Variants in UBE2B observed in about 807,000 individuals in gnomAD.
UBE2B encodes the protein ubiquitin conjugating enzyme E2 B, also known as ubiquitin-conjugating enzyme E2 B.
Under a neutral mutation model 24.6 loss-of-function variants are expected in UBE2B, and 11 were observed. The observed-to-expected ratio is 0.45, with a 90% CI of 0.28 to 0.74. UBE2B has a LOEUF of 0.74. Among genes scored for constraint, UBE2B ranks in the 30% least tolerant of loss-of-function variants. The pLI is 0.13. For synonymous variants in UBE2B, 68 were observed against 62.4 expected, an observed-to-expected ratio of 1.09 and a Z score of -0.42; for missense variants, 78 against 185.6, an observed-to-expected ratio of 0.42 and a Z score of 3.37.
At chr5:134,376,564 G>A in intron 2 of UBE2B, 105 bp from the exon 3 acceptor site, 3 of 1,233,238 alleles carry the variant, frequency 2.4e-6, no homozygotes, top group Non-Finnish European at 3.5e-6. Context: ...CAAATCATCA[G>A]AATGAGTCCC....
chr5:134,376,641 T>C lies in UBE2B; in HGVS notation c.126-28T>C, dbSNP rs754438226. ...AAGAAAAAGCAGAATGAGAAACTTC[T>C]TTTAATCAGAAATCTTCTTGTTTTC... On this transcript the variant is annotated intron_variant, in intron 2 of 5. Transcript: ENST00000265339. The C allele has an allele frequency of 5.0e-6, 8 of 1,610,546 alleles. No homozygotes were observed. In the East Asian group the frequency reaches 1.8e-4, roughly 36 times the overall value.
intron 3 of UBE2B, 110 bp downstream of exon 3, chr5:134,376,804 G>A: frequency 1.9e-6 from 2 of 1,080,536 alleles, no homozygotes; most frequent in East Asian, 5.1e-5. Flanking sequence ...AATAGGCCAA[G>A]TTAAAAGTAA....
intron 5 of UBE2B, among the ~76,000 whole-genome samples, chr5:134,389,600 G>T (rs1474877576): frequency 6.7e-6 from 1 of 148,502 alleles, no homozygotes; most frequent in Non-Finnish European, 1.5e-5. Flanking sequence ...CCAGGCTGGA[G>T]TACAGTGGCG....
rs561705046 is a variant in UBE2B at position 134,380,717 on chromosome 5, A to T, written c.152-2A>T. 1 of 1,496,246 alleles carries T rather than the reference A, an allele frequency of 6.7e-7. No homozygotes were observed. Among genetic ancestry groups the T allele is most frequent in the South Asian group, 1.1e-5 (1 of 88,140 alleles). 92.7% of individuals were successfully genotyped at this position (1,496,246 alleles called of 1,614,324 possible). A position where few individuals can be genotyped will look rare whatever the true frequency, so the allele number is the denominator to read the frequency against. ...ACTATAATTATTTTGTTTTCTCTCTAGGTACTTTTAAACTAGTAATAGAAT... is the reference window on the plus strand; with the variant it reads ...ACTATAATTATTTTGTTTTCTCTCTTGGTACTTTTAAACTAGTAATAGAAT... On this transcript the variant is annotated splice_acceptor_variant, in intron 3 of 5. Transcript: ENST00000265339. LOFTEE classifies it high-confidence loss of function.
chr5:134,376,253 A>G (rs1758600710), intron 2 of UBE2B, among the ~76,000 whole-genome samples: 1 of 140,966 alleles, frequency 7.1e-6, no homozygotes, highest in African/African-American at 2.6e-5. Flanking sequence ...ATCCAGGAGA[A>G]GGAGGTTGCA....
At chr5:134,383,914 A>G (rs1223379373) in intron 4 of UBE2B, among the ~76,000 whole-genome samples, 1 of 151,306 alleles carries the variant, frequency 6.6e-6, no homozygotes, top group Non-Finnish European at 1.5e-5. Flanking sequence ...GTCATTTTCC[A>G]TTTTTTTCCT....
At chr5:134,377,802 A>G (rs1758634121) in intron 3 of UBE2B, among the ~76,000 whole-genome samples, 1 of 152,246 alleles carries the variant, frequency 6.6e-6, no homozygotes, top group South Asian at 2.1e-4. Context: ...AATGGTGGCT[A>G]TAACTACACC....
chr5:134,378,023 T>C (rs1443164214), intron 3 of UBE2B, among the ~76,000 whole-genome samples: 1 of 152,046 alleles, frequency 6.6e-6, no homozygotes, highest in African/African-American at 2.4e-5. Context: ...GGAGCCCTTC[T>C]CTACAAAAAA....
At chr5:134,388,298 T>C (rs759064534) in intron 4 of UBE2B, 27 bp from the exon 5 acceptor site, 24 of 1,591,854 alleles carry the variant, frequency 1.5e-5, no homozygotes, top group Non-Finnish European at 2.1e-5. Flanking sequence ...GCAGAGTGTG[T>C]AACTAATTTT....
intron 4 of UBE2B, among the ~76,000 whole-genome samples, chr5:134,384,098 T>C (rs548888830): frequency 1.3e-5 from 2 of 152,368 alleles, no homozygotes; most frequent in South Asian, 2.1e-4. Flanking sequence ...CTCCAAATTC[T>C]TGAAGCTCCT....
intron 1 of UBE2B, among the ~76,000 whole-genome samples, chr5:134,372,131 T>C (rs1237686232): frequency 6.6e-6 from 1 of 152,224 alleles, no homozygotes; most frequent in Non-Finnish European, 1.5e-5. Flanking sequence ...ATTTGTGCCC[T>C]GAGGGTGGGG....
chr5:134,377,411 A>C (rs895841154), intron 3 of UBE2B, among the ~76,000 whole-genome samples: 1 of 152,216 alleles, frequency 6.6e-6, no homozygotes, highest in African/African-American at 2.4e-5. Flanking sequence ...CAGTAGGAGA[A>C]ATGGTTAAGC....
chr5:134,379,646 CAAAA>C (rs1222816195), intron 3 of UBE2B, among the ~76,000 whole-genome samples: 1 of 75,200 alleles, frequency 1.3e-5, no homozygotes, highest in Non-Finnish European at 3.2e-5. Context: ...TCTGTCTCAA[CAAAA>C]AAAAAAAAAA....
chr5:134,373,151 G>A (rs982311530), intron 1 of UBE2B, among the ~76,000 whole-genome samples: 3 of 152,186 alleles, frequency 2.0e-5, no homozygotes, highest in African/African-American at 7.2e-5. Context: ...TGGTGTTAGT[G>A]CAGAGCCTTT....
intron 2 of UBE2B, among the ~76,000 whole-genome samples, chr5:134,375,756 C>T (rs967917954): frequency 1.5e-5 from 2 of 136,574 alleles, no homozygotes; most frequent in East Asian, 2.1e-4. Context: ...GCCGAGATTG[C>T]GCCACTGCAC....
intron 4 of UBE2B, among the ~76,000 whole-genome samples, chr5:134,385,962 G>A (rs1758793617): frequency 6.6e-6 from 1 of 151,538 alleles, no homozygotes; most frequent in Admixed American, 6.6e-5. Context: ...GCAGTGAGCC[G>A]AGATCACGCC....
chr5:134,387,825 C>G (rs1224690435), intron 4 of UBE2B, among the ~76,000 whole-genome samples: 1 of 151,954 alleles, frequency 6.6e-6, no homozygotes, highest in African/African-American at 2.4e-5. Context: ...TTTTTTGAGA[C>G]AGGTTCTTAC....
At chr5:134,372,623 A>T (rs1195673458) in intron 1 of UBE2B, among the ~76,000 whole-genome samples, 1 of 152,210 alleles carries the variant, frequency 6.6e-6, no homozygotes, top group East Asian at 1.9e-4. Flanking sequence ...CAGCTATTAT[A>T]AAGCCTATGT....
intron 4 of UBE2B, among the ~76,000 whole-genome samples, chr5:134,381,756 C>T (rs1758713798): frequency 6.6e-6 from 1 of 152,084 alleles, no homozygotes; most frequent in Admixed American, 6.6e-5. Flanking sequence ...CCAGCCCGGC[C>T]AACATGGTGA....
Sources: allele counts gnomAD v4.1 joint callset (sites outside exome capture counted in the v4.1 genomes callset), GRCh38; gene constraint gnomAD v4.1.1; transcripts MANE v1.5; gene names NCBI Gene and HGNC (gene_info 2026-07-23, HGNC 2026-07-21).